The following RTKN2 variants were observed in gnomAD, a reference collection of about 807,000 sequenced individuals.
RTKN2 encodes the protein rhotekin-2.
In RTKN2, 69 loss-of-function variants were observed where a neutral mutation model predicts 71.5. The observed-to-expected ratio is 0.96, with a 90% CI of 0.79 to 1.18. The LOEUF (loss-of-function observed/expected upper bound fraction) is 1.18, where lower values mean the gene tolerates loss of function less well. Among genes scored for constraint, RTKN2 ranks in the 50% most tolerant of loss-of-function variants. RTKN2 has a pLI of 0.00. For synonymous variants in RTKN2, 236 were observed against 236.5 expected (o/e 1.00, Z 0.02); for missense variants, 724 against 719.7 (o/e 1.01, Z -0.07).
intron 9 of RTKN2, among the ~76,000 whole-genome samples, chr10:62,212,621 T>C (rs2132863098): frequency 6.6e-6 from 1 of 150,566 alleles, no homozygotes; most frequent in African/African-American, 2.4e-5. Flanking sequence ...GAGGATCCCT[T>C]GTGTCTGGGA....
intron 1 of RTKN2, among the ~76,000 whole-genome samples, chr10:62,265,201 A>AT (rs1276429120): frequency 1.3e-5 from 2 of 152,098 alleles, no homozygotes; most frequent in Non-Finnish European, 2.9e-5. Context: ...TACTATTAAG[A>AT]TTTTTTCCTT....
downstream of RTKN2, among the ~76,000 whole-genome samples, chr10:62,190,662 A>G (rs934851958): frequency 6.6e-6 from 1 of 152,088 alleles, no homozygotes; most frequent in African/African-American, 2.4e-5. Context: ...TAATGTTAAT[A>G]AGGAAGTTGA....
At chr10:62,265,605 T>G (rs1484654092) in intron 1 of RTKN2, among the ~76,000 whole-genome samples, 2 of 152,006 alleles carry the variant, frequency 1.3e-5, no homozygotes, top group African/African-American at 2.4e-5. Flanking sequence ...GGCTACTGTT[T>G]TAGCCAGTTT....
chr10:62,262,544 G>C (rs1205644625), intron 2 of RTKN2, 81 bp downstream of exon 2: 1 of 926,106 alleles, frequency 1.1e-6, no homozygotes, highest in African/African-American at 1.7e-5. Context: ...TTTGACATTG[G>C]TACTTAAGCT....
intron 9 of RTKN2, among the ~76,000 whole-genome samples, chr10:62,206,126 C>A (rs1841543702): frequency 6.6e-6 from 1 of 152,074 alleles, no homozygotes; most frequent in African/African-American, 2.4e-5. Context: ...TTGTATTTTA[C>A]ACTTACAGCA....
intron 10 of RTKN2, among the ~76,000 whole-genome samples, chr10:62,203,568 C>T (rs992861492): frequency 6.6e-6 from 1 of 152,216 alleles, no homozygotes; most frequent in Non-Finnish European, 1.5e-5. Context: ...TGGTCTCAAA[C>T]TCCTGACTTC....
At position 62,262,692 on chromosome 10, in the gene RTKN2, G is replaced by A. The variant is rs548294990; in HGVS notation, c.190C>T (p.Arg64Ter). 32 of 1,613,336 alleles carry A rather than the reference G, an allele frequency of 2.0e-5. No homozygotes were observed. The highest frequency in any genetic ancestry group is 1.0e-4 in the Admixed American group (6 of 59,994). Residue 64 changes from arginine to a stop codon, truncating the protein, a stop_gained, in exon 2 of 12, where the codon CGA (arginine) becomes TGA (stop). Coordinates refer to ENST00000373789, the MANE Select transcript of RTKN2 (RefSeq NM_145307.4). LOFTEE classifies it high-confidence loss of function. Reference sequence around the variant, plus strand: ...AGCTCCGATGTATAGGCCATTAGTCGAGCATTGCACACCATGAGATTCTTA... The same window carrying A: ...AGCTCCGATGTATAGGCCATTAGTCAAGCATTGCACACCATGAGATTCTTA... ...AVKNLMVCNA[R>*]LMAYTSELQK...
At chr10:62,230,112 A>G (rs956938584) in intron 6 of RTKN2, among the ~76,000 whole-genome samples, 18 of 152,174 alleles carry the variant, frequency 1.2e-4, no homozygotes, top group Admixed American at 1.2e-3. Context: ...TTTAGAAACT[A>G]CGAGTAACTT....
At chr10:62,184,102 C>A in exon 9 of RTKN2, 1 of 445,844 alleles carries the variant, frequency 2.2e-6, no homozygotes, top group Non-Finnish European at 3.9e-6. Flanking sequence ...CTGGTAAACA[C>A]TGAATGGAAA....
chr10:62,190,178 G>A (rs1246767224), downstream of RTKN2, among the ~76,000 whole-genome samples: 1 of 152,164 alleles, frequency 6.6e-6, no homozygotes, highest in Non-Finnish European at 1.5e-5. Flanking sequence ...TAATGCAAAG[G>A]AATACATCAA....
chr10:62,198,665 TATATAAAAC>T (rs1341977931), intron 11 of RTKN2, among the ~76,000 whole-genome samples: 1 of 152,000 alleles, frequency 6.6e-6, no homozygotes. Flanking sequence ...TAATACATAG[TATATAAAAC>T]ATATATAACA....
In RTKN2 at chr10:62,204,986, T is replaced by C. The variant is rs377739979; in HGVS notation, c.1057A>G (p.Lys353Glu). The change falls in exon 10 of 12, where the codon AAA (lysine) becomes GAA (glutamate). Residue 353 changes from lysine to glutamate, a missense_variant. Lys to Glu is a moderately conservative substitution (Grantham distance 56). Coordinates refer to ENST00000373789, the MANE Select transcript of RTKN2 (RefSeq NM_145307.4). ...ATGACAGAGAAATTATGGATTCTTT[T>C]CTTGGCATCCTTATCCATTGCCCGG... ...RIRAMDKDAK[K>E]RIHNFSVINP... 2.1e-5 allele frequency: 33 copies of C among 1,599,610 alleles called. No individual in the cohort carries two copies. Among genetic ancestry groups the C allele is most frequent in the Non-Finnish European group, 2.7e-5 (32 of 1,175,918 alleles).
intron 9 of RTKN2, chr10:62,215,233 C>T: frequency 2.1e-6 from 1 of 486,268 alleles, no homozygotes; most frequent in Non-Finnish European, 3.6e-6. Flanking sequence ...TAATCATATA[C>T]ACAGAACTTT....
At chr10:62,198,558 G>C in intron 11 of RTKN2, 115 bp from the exon 12 acceptor site, 1 of 771,158 alleles carries the variant, frequency 1.3e-6, no homozygotes, top group Non-Finnish European at 1.9e-6. Context: ...CAAAGACTAT[G>C]ATAAGGAAAA....
chr10:62,217,914 C>A (rs5006763), intron 8 of RTKN2, among the ~76,000 whole-genome samples: 111,393 of 151,934 alleles, frequency 0.73, 41,092 homozygotes, highest in East Asian at 0.9. Flanking sequence ...AGTTTCCACA[C>A]GGAGCCCTCT....
intron 2 of RTKN2, among the ~76,000 whole-genome samples, chr10:62,246,868 A>T (rs1842488028): frequency 6.6e-6 from 1 of 151,992 alleles, no homozygotes; most frequent in African/African-American, 2.4e-5. Flanking sequence ...GGAATATTTT[A>T]TTACCATGAA....
intron 10 of RTKN2, among the ~76,000 whole-genome samples, chr10:62,201,161 A>G (rs991199058): frequency 2.0e-5 from 3 of 152,090 alleles, no homozygotes; most frequent in Non-Finnish European, 2.9e-5. Context: ...AATGTAATAC[A>G]CTTATGTTGT....
intron 8 of RTKN2, among the ~76,000 whole-genome samples, chr10:62,187,175 A>G (rs147525035): frequency 0.014 from 2,063 of 152,014 alleles, 25 homozygotes; most frequent in Non-Finnish European, 0.018. Flanking sequence ...CAGGCACACT[A>G]TTCTGATTTC....
intron 9 of RTKN2, among the ~76,000 whole-genome samples, chr10:62,207,897 T>G (rs1266233972): frequency 6.6e-6 from 1 of 152,190 alleles, no homozygotes; most frequent in Admixed American, 6.5e-5. Context: ...CAGCGTTTCC[T>G]GTATTGTTTT....
Sources: gnomAD v4.1 joint callset for allele counts (sites outside exome capture counted in the v4.1 genomes callset) on GRCh38, gnomAD v4.1.1 for gene constraint, MANE v1.5 for transcripts, NCBI Gene and HGNC (gene_info 2026-07-23, HGNC 2026-07-21) for gene names.